Variants in KAT2B observed in about 807,000 individuals in gnomAD.
KAT2B encodes the protein histone acetyltransferase KAT2B.
A neutral mutation model predicts 105.9 loss-of-function variants in KAT2B; 36 were observed. The ratio of observed to expected loss-of-function variants is 0.34; its 90% CI spans 0.26 to 0.45. KAT2B has a LOEUF of 0.45. Among genes scored for constraint, KAT2B ranks in the 20% least tolerant of loss-of-function variants. The probability of loss-of-function intolerance (pLI) is 1.00; values close to 1 mark genes in which losing one functional copy is unlikely to be tolerated. For missense variants in KAT2B, 820 were observed against 1,021.6 expected, an observed-to-expected ratio of 0.80 and a Z score of 2.69; for synonymous variants, 397 against 377.9, an observed-to-expected ratio of 1.05 and a Z score of -0.59.
chr3:20,067,494 A>C (rs1698242752), intron 1 of KAT2B, among the ~76,000 whole-genome samples: 2 of 152,070 alleles, frequency 1.3e-5, no homozygotes, highest in Non-Finnish European at 2.9e-5. Flanking sequence ...GGGCTGACTG[A>C]ACTTAGTCTG....
At position 20,063,840 on chromosome 3, in the gene KAT2B, C is replaced by T. The variant is rs188486241; in HGVS notation, c.304-8493C>T. 3.7e-3 allele frequency among the ~76,000 whole-genome samples: 563 copies of T among 152,088 alleles called. 3 individuals carry two copies. Among genetic ancestry groups the T allele is most frequent in the African/African-American group, 0.013 (538 of 41,500 alleles). On this transcript the variant is annotated intron_variant, in intron 1 of 17. Transcript: ENST00000263754. ...ACAGACGTGAGCCACCACGCCCGGC[C>T]GAGATTCACAATTTTATGTTGAAGT...
chr3:20,096,069 T>C (rs1380839746), intron 3 of KAT2B, among the ~76,000 whole-genome samples: 54 of 152,226 alleles, frequency 3.5e-4, no homozygotes, highest in Non-Finnish European at 6.6e-4. Context: ...GTGATGTCTG[T>C]ACAGCAAGGA....
At chr3:20,113,147 A>G (rs1455170623) in intron 6 of KAT2B, among the ~76,000 whole-genome samples, 1 of 152,152 alleles carries the variant, frequency 6.6e-6, no homozygotes, top group Non-Finnish European at 1.5e-5. Flanking sequence ...TGCAGTTTGG[A>G]TGTTGCTCCC....
At chr3:20,094,245 A>C (rs904167461) in intron 2 of KAT2B, among the ~76,000 whole-genome samples, 1 of 152,144 alleles carries the variant, frequency 6.6e-6, no homozygotes, top group Non-Finnish European at 1.5e-5. Context: ...CAAGTCTTAC[A>C]TGGCAGCAGG....
chr3:20,112,622 C>T (rs1316956422), intron 6 of KAT2B, among the ~76,000 whole-genome samples: 5 of 152,120 alleles, frequency 3.3e-5, no homozygotes, highest in Non-Finnish European at 7.3e-5. Context: ...ATTATCATTC[C>T]GCCTAGATCA....
chr3:20,142,298 C>A (rs1168336362), intron 13 of KAT2B, among the ~76,000 whole-genome samples: 1 of 152,246 alleles, frequency 6.6e-6, no homozygotes, highest in East Asian at 1.9e-4. Context: ...TCACACATTC[C>A]GTTGAATGGG....
At chr3:20,043,028 G>A (rs572427482) in intron 1 of KAT2B, among the ~76,000 whole-genome samples, 1 of 152,100 alleles carries the variant, frequency 6.6e-6, no homozygotes, top group Non-Finnish European at 1.5e-5. Flanking sequence ...AGCCTCTTGA[G>A]TAGCTGGGAC....
At chr3:20,133,784 C>T (rs562857249) in intron 11 of KAT2B, among the ~76,000 whole-genome samples, 2 of 152,294 alleles carry the variant, frequency 1.3e-5, no homozygotes, top group South Asian at 2.1e-4. Context: ...CCTACCATTG[C>T]TGGCACTGGG....
intron 11 of KAT2B, among the ~76,000 whole-genome samples, chr3:20,130,022 C>G (rs905490868): frequency 6.6e-6 from 1 of 152,080 alleles, no homozygotes; most frequent in East Asian, 1.9e-4. Flanking sequence ...CTCTTTTGCT[C>G]TGGCTGGAAT....
At chr3:20,151,972 T>C (rs576873050) in intron 17 of KAT2B, among the ~76,000 whole-genome samples, 43 of 152,142 alleles carry the variant, frequency 2.8e-4, no homozygotes, top group Non-Finnish European at 5.7e-4. Context: ...CTACTCCATA[T>C]AGATAGAGCC....
At chr3:20,105,595 A>C (rs1482081839) in intron 5 of KAT2B, among the ~76,000 whole-genome samples, 1 of 152,056 alleles carries the variant, frequency 6.6e-6, no homozygotes, top group African/African-American at 2.4e-5. Flanking sequence ...TGGGCAACAG[A>C]ATGAGACTTC....
chr3:20,148,618 A>C, intron 17 of KAT2B, 131 bp downstream of exon 17: 2 of 673,298 alleles, frequency 3.0e-6, no homozygotes, highest in East Asian at 5.6e-5. Context: ...GTGGGATTCC[A>C]TGCACCGTGG....
intron 2 of KAT2B, among the ~76,000 whole-genome samples, chr3:20,077,578 G>A (rs1485381374): frequency 6.6e-6 from 1 of 152,100 alleles, no homozygotes; most frequent in Admixed American, 6.6e-5. Flanking sequence ...AATGCAGAAT[G>A]TCTCAGTAAT....
chr3:20,072,400 A>G lies in KAT2B; in HGVS notation c.371A>G (p.Asp124Gly), dbSNP rs1424630623. The change falls in exon 2 of 18, where the codon GAC becomes GGC. Residue 124 changes from aspartate to glycine, a missense_variant. Physicochemically the swap from Asp to Gly is moderately conservative, Grantham distance 94. This residue lies in a region of KAT2B where 190 missense variants were observed against 176.7 expected (regional missense o/e 1.08). Transcript: ENST00000263754. The part of the protein sequence containing the change: ...PNPSPTPPRA[D>G]LQQIIVSLTE... The stretch of plus-strand genomic sequence containing the variant: ...CCCTCACCCACTCCCCCCAGAGCCG[A>G]CCTGCAGCAAATAATTGTCAGTCTA... 1.2e-6 allele frequency: 2 copies of G among 1,613,486 alleles called. No homozygotes were observed. Among genetic ancestry groups the G allele is most frequent in the Non-Finnish European group, 8.5e-7 (1 of 1,179,552 alleles).
intron 17 of KAT2B, chr3:20,148,688 C>T (rs892351053): frequency 2.0e-4 from 95 of 480,980 alleles, no homozygotes; most frequent in Non-Finnish European, 3.1e-4. Context: ...CTGCAGCTGT[C>T]GTTTAGAGCC....
intron 1 of KAT2B, among the ~76,000 whole-genome samples, chr3:20,063,306 C>T (rs1030639478): frequency 1.3e-5 from 2 of 150,796 alleles, no homozygotes; most frequent in Non-Finnish European, 2.9e-5. Context: ...ACCTTCCCAG[C>T]GTGCTGGGAT....
intron 17 of KAT2B, among the ~76,000 whole-genome samples, chr3:20,149,495 CAAAAAAAAAAA>C (rs56091316): frequency 1.2e-4 from 5 of 42,448 alleles, no homozygotes; most frequent in Non-Finnish European, 1.9e-4. Flanking sequence ...GACCGTATCT[CAAAAAAAAAAA>C]AAAAAAAAAA....
At chr3:20,119,490 A>T in intron 7 of KAT2B, 108 bp from the exon 8 acceptor site, 1 of 1,116,250 alleles carries the variant, frequency 9.0e-7, no homozygotes, top group Middle Eastern at 2.0e-4. Context: ...AAGATGACTT[A>T]TTTTGTGGCA....
chr3:20,095,899 C>T (rs753124153), intron 3 of KAT2B, among the ~76,000 whole-genome samples: 1 of 152,070 alleles, frequency 6.6e-6, no homozygotes, highest in African/African-American at 2.4e-5. Context: ...TGGGGACATG[C>T]CAGCGAGGAA....
Sources: gnomAD v4.1 joint callset for allele counts (sites outside exome capture counted in the v4.1 genomes callset) on GRCh38, gnomAD v4.1.1 for gene constraint, gnomAD v4.1.1 regional missense constraint, MANE v1.5 for transcripts, NCBI Gene and HGNC (gene_info 2026-07-23, HGNC 2026-07-21) for gene names.